Variants in TRHDE observed in about 807,000 individuals in gnomAD.
The protein encoded by TRHDE is thyrotropin-releasing hormone-degrading ectoenzyme.
Under a neutral mutation model 125.7 loss-of-function variants are expected in TRHDE, and 72 were observed. The observed-to-expected ratio is 0.57, with a 90% CI of 0.47 to 0.70. TRHDE has a LOEUF of 0.70. TRHDE is among the 30% of genes least tolerant of loss of function. The probability of loss-of-function intolerance (pLI) is 0.00; values close to 1 mark genes in which losing one functional copy is unlikely to be tolerated. For synonymous variants in TRHDE, 509 were observed against 509.1 expected, an observed-to-expected ratio of 1.00 and a Z score of 0.00; for missense variants, 1,110 against 1,327.1, an observed-to-expected ratio of 0.84 and a Z score of 2.54.
At chr12:72,609,368 C>T (rs1049574325) in intron 12 of TRHDE, among the ~76,000 whole-genome samples, 6 of 152,118 alleles carry the variant, frequency 3.9e-5, no homozygotes, top group Non-Finnish European at 8.8e-5. Flanking sequence ...ATTATTAGAA[C>T]CAATCCGAAG....
At chr12:72,087,284 G>A (rs1874691878) in exon 1 of TRHDE, 1 of 152,108 alleles carries the variant, frequency 6.6e-6, no homozygotes, top group Admixed American at 6.6e-5. Context: ...AGGCATTCCT[G>A]ACCCAAAGAG....
At chr12:72,651,819 A>G (rs541740307) in intron 15 of TRHDE, among the ~76,000 whole-genome samples, 22 of 152,084 alleles carry the variant, frequency 1.4e-4, no homozygotes, top group Middle Eastern at 3.4e-3. Context: ...TATATTTATA[A>G]TCTTCTAGGT....
At chr12:72,224,773 A>G (rs1878090449) in intron 2 of TRHDE, among the ~76,000 whole-genome samples, 1 of 152,168 alleles carries the variant, frequency 6.6e-6, no homozygotes, top group Non-Finnish European at 1.5e-5. Flanking sequence ...TTTGTATTTT[A>G]TAAACCACCT....
intron 1 of TRHDE, among the ~76,000 whole-genome samples, chr12:72,103,492 C>T (rs1372729616): frequency 6.6e-6 from 1 of 152,038 alleles, no homozygotes; most frequent in East Asian, 1.9e-4. Flanking sequence ...TACAGCATCC[C>T]TTGCTGAAGA....
At chr12:72,518,629 C>T (rs985762463) in intron 6 of TRHDE, among the ~76,000 whole-genome samples, 1 of 151,932 alleles carries the variant, frequency 6.6e-6, no homozygotes, top group Admixed American at 6.6e-5. Context: ...TTAATTGGAG[C>T]ATTTAGTCCA....
At chr12:72,317,368 T>C (rs776275628) in intron 2 of TRHDE, among the ~76,000 whole-genome samples, 1 of 152,156 alleles carries the variant, frequency 6.6e-6, no homozygotes, top group Non-Finnish European at 1.5e-5. Flanking sequence ...TCTTAGTTTG[T>C]TCCTACTTCT....
intron 6 of TRHDE, among the ~76,000 whole-genome samples, chr12:72,504,131 TA>T (rs938008913): frequency 1.3e-5 from 2 of 151,860 alleles, no homozygotes; most frequent in African/African-American, 2.4e-5. Flanking sequence ...AGGGGAACTG[TA>T]AAAAAACAAG....
chr12:72,636,934 A>T (rs1193452594), intron 15 of TRHDE, among the ~76,000 whole-genome samples: 1 of 152,050 alleles, frequency 6.6e-6, no homozygotes, highest in East Asian at 1.9e-4. Context: ...TTTTGCATCA[A>T]TGTTCATCAA....
intron 6 of TRHDE, among the ~76,000 whole-genome samples, chr12:72,519,585 T>G (rs1231256798): frequency 6.6e-6 from 1 of 152,226 alleles, no homozygotes; most frequent in African/African-American, 2.4e-5. Flanking sequence ...TGCCTTTGGT[T>G]TGAATGTCCT....
chr12:72,547,924 C>T (rs1386561489), intron 7 of TRHDE, among the ~76,000 whole-genome samples: 1 of 151,856 alleles, frequency 6.6e-6, no homozygotes, highest in Non-Finnish European at 1.5e-5. Context: ...TTTAGCACCT[C>T]ATTTTTGTTT....
chr12:72,292,463 A>C (rs1162550353), intron 2 of TRHDE, among the ~76,000 whole-genome samples: 1 of 152,130 alleles, frequency 6.6e-6, no homozygotes, highest in African/African-American at 2.4e-5. Flanking sequence ...CTCTTTTATA[A>C]TTTTCATGGC....
At chr12:72,169,338 A>AATTATTGT (rs1876820083) in intron 2 of TRHDE, among the ~76,000 whole-genome samples, 1 of 152,132 alleles carries the variant, frequency 6.6e-6, no homozygotes, top group Non-Finnish European at 1.5e-5. Flanking sequence ...TCTGATTCAC[A>AATTATTGT]ATTATTGTTA....
chr12:72,629,272 C>G (rs1873380623), intron 15 of TRHDE, among the ~76,000 whole-genome samples: 1 of 151,742 alleles, frequency 6.6e-6, no homozygotes, highest in Non-Finnish European at 1.5e-5. Flanking sequence ...TGCATAGAGG[C>G]ACATAGTCAA....
chr12:72,481,285 A>G (rs1877157796), intron 5 of TRHDE, among the ~76,000 whole-genome samples: 1 of 150,992 alleles, frequency 6.6e-6, no homozygotes, highest in Non-Finnish European at 1.5e-5. Flanking sequence ...CTAGACAAGG[A>G]TGCCAGAAAT....
intron 3 of TRHDE, among the ~76,000 whole-genome samples, chr12:72,424,467 C>G (rs1191882067): frequency 6.6e-6 from 1 of 152,204 alleles, no homozygotes; most frequent in Non-Finnish European, 1.5e-5. Flanking sequence ...GAATACAAGG[C>G]TGCCAGTGCC....
intron 12 of TRHDE, among the ~76,000 whole-genome samples, chr12:72,617,580 A>C (rs1014567087): frequency 2.6e-5 from 4 of 152,032 alleles, no homozygotes; most frequent in Admixed American, 2.0e-4. Context: ...CAGGCTTTGT[A>C]GCTTTCGTGG....
intron 18 of TRHDE, among the ~76,000 whole-genome samples, chr12:72,660,284 A>G (rs1874865484): frequency 1.3e-5 from 2 of 152,208 alleles, no homozygotes; most frequent in South Asian, 4.1e-4. Context: ...GAAAGTGGAC[A>G]AGGAACATGA....
At chr12:72,593,664 C>A (rs569262503) in intron 12 of TRHDE, among the ~76,000 whole-genome samples, 2 of 152,108 alleles carry the variant, frequency 1.3e-5, no homozygotes, top group Admixed American at 6.5e-5. Context: ...ATCCCTCCCC[C>A]CTCCTCCCAC....
chr12:72,422,990 G>A (rs369602632), intron 3 of TRHDE, among the ~76,000 whole-genome samples: 101 of 152,188 alleles, frequency 6.6e-4, no homozygotes, highest in African/African-American at 2.2e-3. Context: ...CCAGTCCCAG[G>A]TATTTTATTA....
Sources: gnomAD v4.1 joint callset for allele counts (sites outside exome capture counted in the v4.1 genomes callset) on GRCh38, gnomAD v4.1.1 for gene constraint, MANE v1.5 for transcripts, NCBI Gene and HGNC (gene_info 2026-07-23, HGNC 2026-07-21) for gene names.